Variants in APOL4 observed in about 807,000 individuals in gnomAD.
APOL4 encodes apolipoprotein L, 4.
A neutral mutation model predicts 12.1 loss-of-function variants in APOL4; 14 were observed. The ratio of observed to expected loss-of-function variants is 1.16; its 90% confidence interval spans 0.76 to 1.81. APOL4 has a LOEUF of 1.81. Ranked by LOEUF, APOL4 falls within the 40% of genes most tolerant of loss-of-function variation. The pLI, the probability that APOL4 is intolerant of heterozygous loss-of-function variation, is 0.00. For missense variants in APOL4, 432 were observed against 423.1 expected (o/e 1.02, Z -0.18); for synonymous variants, 171 against 160.6 (o/e 1.06, Z -0.49).
At chr22:36,204,758 G>A (rs914866322), upstream of APOL4, 17 of 289,796 alleles carry the variant, frequency 5.9e-5, no homozygotes, top group African/African-American at 3.1e-4. Context: ...CCAGGAATTC[G>A]AAAGGTAAAA....
rs748568336 is a variant in APOL4 at position 36,199,335 on chromosome 22, A to G, written c.77T>C (p.Phe26Ser). ...NHPGWTVAGQFQEKKRFTEEV... is the reference protein window; with the variant it reads ...NHPGWTVAGQSQEKKRFTEEV... ...CAGGTCTCTGAAAGGCTTACCTTGG[A>G]ACTGTCCAGCCACTGTCCAGCCTGG... The change falls in exon 2 of 4, where the codon TTC becomes TCC. Residue 26 changes from phenylalanine to serine, a missense_variant. By Grantham distance (155) the Phe-to-Ser change is radical. Coordinates refer to ENST00000683024, the MANE Select transcript of APOL4 (RefSeq NM_001386885.1). 4 of 1,614,062 alleles carry G rather than the reference A, an allele frequency of 2.5e-6. No individual in the cohort carries two copies. In the South Asian group the frequency reaches 4.4e-5, roughly 18 times the overall value.
upstream of APOL4, chr22:36,201,875 A>C (rs2014593076): frequency 6.3e-7 from 1 of 1,588,406 alleles, no homozygotes; most frequent in East Asian, 2.3e-5. Flanking sequence ...AATTCCGGGA[A>C]GTGATTTTGG....
At chr22:36,201,907 CT>C (rs1261859643), upstream of APOL4, 3 of 1,608,486 alleles carry the variant, frequency 1.9e-6, no homozygotes, top group Non-Finnish European at 2.5e-6. Flanking sequence ...ACCCACATGG[CT>C]CCTGGCCCAG....
chr22:36,202,577 T>C (rs1159599748), upstream of APOL4, among the ~76,000 whole-genome samples: 1 of 152,004 alleles, frequency 6.6e-6, no homozygotes, highest in Non-Finnish European at 1.5e-5. Context: ...AATACAAAAA[T>C]TAGCCGAGTG....
upstream of APOL4, chr22:36,201,856 C>T (rs772921083): frequency 7.6e-6 from 12 of 1,577,040 alleles, no homozygotes; most frequent in Non-Finnish European, 1.0e-5. Context: ...GCGAGTCTAC[C>T]AGTTGGTCAA....
chr22:36,191,659 C>T lies in APOL4; in HGVS notation c.463G>A (p.Val155Ile), dbSNP rs532062993. 87 of 1,613,968 alleles carry T rather than the reference C, an allele frequency of 5.4e-5. No individual in the cohort carries two copies. The highest frequency in any genetic ancestry group is 1.6e-4 in the Middle Eastern group (1 of 6,062). The change falls in exon 4 of 4, where the codon GTT becomes ATT. Residue 155 changes from valine to isoleucine, a missense_variant. Coordinates refer to ENST00000683024, the MANE Select transcript of APOL4 (RefSeq NM_001386885.1). ...CCTGCTGTAAATGGTGCCAACATAA[C>T]GCCAATGACAGACAGGATGCCAGTG... ...GSTGILSVIG[V>I]MLAPFTAGLS...
chr22:36,199,268 G>C (rs1390198468), intron 2 of APOL4, 62 bp downstream of exon 2: 4 of 1,602,286 alleles, frequency 2.5e-6, no homozygotes, highest in Non-Finnish European at 2.6e-6. Flanking sequence ...CTAGCTGTGG[G>C]TAGGAACCAG....
At chr22:36,197,166 T>C (rs773950228) in intron 2 of APOL4, among the ~76,000 whole-genome samples, 2 of 152,138 alleles carry the variant, frequency 1.3e-5, no homozygotes, top group Non-Finnish European at 2.9e-5. Context: ...GCCCAGCCCT[T>C]CCTAAGGATT....
upstream of APOL4, among the ~76,000 whole-genome samples, chr22:36,203,951 C>T (rs990388782): frequency 4.6e-5 from 7 of 152,222 alleles, no homozygotes; most frequent in Admixed American, 1.3e-4. Flanking sequence ...ACAGCACAGC[C>T]TGTTTCTTCT....
At chr22:36,202,129 A>T (rs1157375578), upstream of APOL4, 1 of 1,603,652 alleles carries the variant, frequency 6.2e-7, no homozygotes, top group Non-Finnish European at 8.5e-7. Context: ...ATTTTTAATA[A>T]ACCGTTTTGC....
At position 36,191,095 on chromosome 22, in the gene APOL4, G is replaced by C; in HGVS notation, c.1027C>G (p.Gln343Glu). The change falls in exon 4 of 4, where the codon CAG (glutamine) becomes GAG (glutamate). Residue 343 changes from glutamine to glutamate, a missense_variant. Transcript: ENST00000683024. ...TGGGCCTAGCCTGCTTTTAGACTCTGATGGATATGGGTGAGCTCATTGAGA... is the reference window on the plus strand; with the variant it reads ...TGGGCCTAGCCTGCTTTTAGACTCTCATGGATATGGGTGAGCTCATTGAGA... ...ENLNELTHIH[Q>E]SLKAG is the part of the protein sequence containing the mutation. 1 of 1,604,782 alleles carries C rather than the reference G, an allele frequency of 6.2e-7. No individual in the cohort carries two copies.
upstream of APOL4, among the ~76,000 whole-genome samples, chr22:36,202,583 G>T (rs553182445): frequency 6.6e-6 from 1 of 152,112 alleles, no homozygotes; most frequent in Non-Finnish European, 1.5e-5. Context: ...AAAATTAGCC[G>T]AGTGTAGTGG....
chr22:36,201,974 G>T (rs566440541), upstream of APOL4: 6 of 1,614,058 alleles, frequency 3.7e-6, no homozygotes, highest in East Asian at 1.3e-4. Flanking sequence ...CCCACCTCAG[G>T]GCTCTGAGCC....
chr22:36,197,702 T>A (rs777380305), intron 2 of APOL4: 1 of 1,550,358 alleles, frequency 6.5e-7, no homozygotes, highest in African/African-American at 1.4e-5. Flanking sequence ...CAGAGGGCCA[T>A]GCTGAGATGT....
At chr22:36,201,309 G>C (rs528014049) in intron 1 of APOL4, among the ~76,000 whole-genome samples, 60 of 149,514 alleles carry the variant, frequency 4.0e-4, no homozygotes, top group Admixed American at 6.7e-4. Flanking sequence ...AGTGGTTCCC[G>C]GGCCCCCTGA....
At chr22:36,202,506 T>C (rs2014613373), upstream of APOL4, among the ~76,000 whole-genome samples, 1 of 152,106 alleles carries the variant, frequency 6.6e-6, no homozygotes, top group African/African-American at 2.4e-5. Context: ...GGCAGGCAGA[T>C]CACAAGGTCA....
At position 36,191,738 on chromosome 22, in the gene APOL4, A is replaced by G. The variant is rs766720139; in HGVS notation, c.384T>C (p.Asn128=). The change falls in exon 4 of 4, where the codon AAT becomes AAC. Residue 128 remains asparagine (N), a synonymous_variant. Transcript: ENST00000683024. ...ESIERLRVIA[N]EIEKVHRGCV... ...AGCCTCTGTGGACCTTTTCAATCTC[A>G]TTTGCAATGACACGAAGCCTTTCTA... 6.2e-6 allele frequency: 10 copies of G among 1,613,324 alleles called. No individual in the cohort carries two copies. The highest frequency in any genetic ancestry group is 7.6e-6 in the Non-Finnish European group (9 of 1,179,320).
chr22:36,202,045 G>A (rs377206975), upstream of APOL4: 41 of 1,613,928 alleles, frequency 2.5e-5, no homozygotes, highest in East Asian at 1.3e-4. Context: ...ATGTCGCTGC[G>A]GGGCCTCCTC....
intron 2 of APOL4, chr22:36,197,607 A>T: frequency 6.6e-7 from 1 of 1,504,598 alleles, no homozygotes; most frequent in East Asian, 2.5e-5. Context: ...GCAAGCTATG[A>T]ATCTGAACTG....
Sources: gnomAD v4.1 joint callset for allele counts (sites outside exome capture counted in the v4.1 genomes callset) on GRCh38, gnomAD v4.1.1 for gene constraint, MANE v1.5 for transcripts, NCBI Gene and HGNC (gene_info 2026-07-23, HGNC 2026-07-21) for gene names.